SGO1: variants seen among roughly 807,000 people sequenced by gnomAD.
SGO1 encodes the protein shugoshin 1, also known as serologically defined breast cancer antigen NY-BR-85.
In SGO1, 39 loss-of-function variants were observed where a neutral mutation model predicts 50.5. That is an observed-to-expected ratio of 0.77 (90% CI 0.60 to 1.01). The LOEUF (loss-of-function observed/expected upper bound fraction) is 1.01, where lower values mean the gene tolerates loss of function less well. Among genes scored for constraint, SGO1 ranks in the 50% least tolerant of loss-of-function variants. SGO1 has a pLI of 0.00. For missense variants in SGO1, 638 were observed against 606.0 expected (o/e 1.05, Z -0.55); for synonymous variants, 191 against 205.1 (o/e 0.93, Z 0.59).
chr3:20,184,059 T>G lies in SGO1; in HGVS notation c.-7-25A>C, dbSNP rs766500310. 7.2e-6 allele frequency: 11 copies of G among 1,529,566 alleles called. No individual in the cohort carries two copies. The South Asian group carries it at 1.4e-4, about 19-fold the overall frequency. The allele number at this position is 1,529,566 out of a possible 1,614,324, so 94.7% of individuals were successfully genotyped here. ...CCTAAACAATAAAAAATATTTTTTC[T>G]CAGAGAGAATATTATCAAATATAAA... On this transcript the variant is annotated intron_variant, in intron 1 of 7. Coordinates refer to ENST00000412997, the MANE Select transcript of SGO1 (RefSeq NM_001199251.3).
At chr3:20,186,353 C>T (rs1444209534), upstream of SGO1, 1 of 152,316 alleles carries the variant, frequency 6.6e-6, no homozygotes, top group Non-Finnish European at 1.5e-5. Flanking sequence ...ATCCGGGCAT[C>T]CACCTGGCCC....
intron 3 of SGO1, among the ~76,000 whole-genome samples, chr3:20,180,392 G>C (rs1234758761): frequency 1.3e-5 from 2 of 152,164 alleles, no homozygotes; most frequent in African/African-American, 4.8e-5. Flanking sequence ...AAGAAATGAG[G>C]AGATAAAGAA....
downstream of SGO1, among the ~76,000 whole-genome samples, chr3:20,167,945 A>G (rs978981782): frequency 3.3e-5 from 5 of 152,208 alleles, no homozygotes; most frequent in East Asian, 1.9e-4. Context: ...GAAGAAATGA[A>G]TAAGTCTGAT....
intron 6 of SGO1, among the ~76,000 whole-genome samples, chr3:20,171,456 A>C (rs1029385773): frequency 9.2e-5 from 14 of 152,136 alleles, no homozygotes; most frequent in Non-Finnish European, 2.9e-5. Context: ...CTCCCACTTC[A>C]GTCTTCCAAG....
chr3:20,171,004 G>A (rs1700665040), intron 7 of SGO1, 39 bp downstream of exon 7: 3 of 1,535,042 alleles, frequency 2.0e-6, no homozygotes, highest in Middle Eastern at 3.5e-4. Flanking sequence ...CCCCCGACAT[G>A]TATCATTAAA....
chr3:20,176,944 A>T (rs1445258299), intron 4 of SGO1, among the ~76,000 whole-genome samples: 1 of 152,206 alleles, frequency 6.6e-6, no homozygotes, highest in Non-Finnish European at 1.5e-5. Flanking sequence ...CTACGGAAAC[A>T]GCCCATGAGA....
At chr3:20,170,976 A>G (rs1186914353) in intron 7 of SGO1, 67 bp downstream of exon 7, 1 of 1,496,188 alleles carries the variant, frequency 6.7e-7, no homozygotes, top group African/African-American at 1.4e-5. Context: ...TCTTGAACAA[A>G]GCTCCATAAC....
At chr3:20,180,137 A>G (rs758658082) in intron 3 of SGO1, among the ~76,000 whole-genome samples, 84 of 152,288 alleles carry the variant, frequency 5.5e-4, no homozygotes, top group Non-Finnish European at 9.0e-4. Context: ...TCCACAAAAA[A>G]GTTTTAAAAA....
At position 20,174,784 on chromosome 3, in the gene SGO1, G is replaced by C. The variant is rs1468934302; in HGVS notation, c.747C>G (p.Ser249Arg). ...TTGGTGATAAGTTAACTTGGTCCTT[G>C]CTCCATTGACAAGCATTGTGTTGTA... ...ENVQHNACQW[S>R]KDQVNLSPKL... The change falls in exon 6 of 8, where the codon AGC becomes AGG. Residue 249 changes from serine to arginine, a missense_variant. By Grantham distance (110) the Ser-to-Arg change is moderately radical. Coordinates refer to ENST00000412997, the MANE Select transcript of SGO1 (RefSeq NM_001199251.3). 2 of 1,613,862 alleles carry C rather than the reference G, an allele frequency of 1.2e-6. No individual in the cohort carries two copies. The highest frequency in any genetic ancestry group is 2.7e-5 in the African/African-American group (2 of 74,878).
chr3:20,162,655 CAG>C (rs1286952061), intron 8 of SGO1, among the ~76,000 whole-genome samples: 1 of 151,788 alleles, frequency 6.6e-6, no homozygotes, highest in Non-Finnish European at 1.5e-5. Context: ...CCAGAAATGA[CAG>C]AGATAATGGA....
chr3:20,168,960 T>C (rs1700461201), downstream of SGO1: 3 of 985,164 alleles, frequency 3.0e-6, no homozygotes, highest in African/African-American at 1.7e-5. Context: ...TTTAATGGTC[T>C]GTAGTCTTAG....
intron 8 of SGO1, among the ~76,000 whole-genome samples, chr3:20,161,457 T>C (rs1700035959): frequency 6.6e-6 from 1 of 152,156 alleles, no homozygotes; most frequent in African/African-American, 2.4e-5. Flanking sequence ...TAGGCTATGA[T>C]ATAACCAAGG....
rs1010179359 is a variant in SGO1 at position 20,174,508 on chromosome 3, C to G, written c.1023G>C (p.Glu341Asp). 6.2e-7 allele frequency: 1 copy of G among 1,614,148 alleles called. No individual in the cohort carries two copies. Among genetic ancestry groups the G allele is most frequent in the African/African-American group, 1.3e-5 (1 of 75,044 alleles). The part of the protein sequence containing the change: ...SNDAYNFNLE[E>D]GVHLTPFRQK... ...GTCGGAAAGGAGTAAGATGAACACCCTCTTCCAAATTAAAATTGTAAGCAT... is the reference window on the plus strand; with the variant it reads ...GTCGGAAAGGAGTAAGATGAACACCGTCTTCCAAATTAAAATTGTAAGCAT... The change falls in exon 6 of 8, where the codon GAG (glutamate) becomes GAC (aspartate). Residue 341 changes from glutamate to aspartate, a missense_variant. By Grantham distance (45) the Glu-to-Asp change is conservative. Coordinates refer to ENST00000412997, the MANE Select transcript of SGO1 (RefSeq NM_001199251.3).
intron 8 of SGO1, among the ~76,000 whole-genome samples, chr3:20,161,781 G>A (rs773384462): frequency 1.3e-5 from 2 of 152,138 alleles, no homozygotes; most frequent in Non-Finnish European, 2.9e-5. Context: ...ATATTTATAA[G>A]CATAGTGAAT....
chr3:20,169,039 A>G, downstream of SGO1: 4 of 985,232 alleles, frequency 4.1e-6, no homozygotes, highest in Non-Finnish European at 2.4e-6. Context: ...TAAGAAAAAA[A>G]AAACTTAAAA....
chr3:20,170,338 C>T lies in SGO1; in HGVS notation c.*366G>A, dbSNP rs149651402. 7,408 of 734,640 alleles carry T rather than the reference C, an allele frequency of 0.01. 308 individuals carry two copies. In the East Asian group the frequency reaches 0.2, roughly 20 times the overall value. The allele number at this position is 734,640 out of a possible 1,614,324, so 45.5% of individuals were successfully genotyped here. ...GCTTGAACCTGGGAGGCGGAGGTTG[C>T]GGTAAGCTGAGATCGTGCCATTGCA... On this transcript the variant is annotated 3_prime_UTR_variant, in exon 8 of 8. Transcript: ENST00000412997.
At chr3:20,171,840 T>C (rs1321776671) in intron 6 of SGO1, among the ~76,000 whole-genome samples, 1 of 152,236 alleles carries the variant, frequency 6.6e-6, no homozygotes, top group African/African-American at 2.4e-5. Flanking sequence ...AAAAAGTTAC[T>C]CAGTGTTTTT....
rs776251423 is a variant in SGO1, at chr3:20,174,800, T to C, written c.731A>G (p.Asn244Ser). Reference sequence around the variant, plus strand: ...TTGGTCCTTGCTCCATTGACAAGCATTGTGTTGTACATTTTCAGGTATGTG... The same window carrying C: ...TTGGTCCTTGCTCCATTGACAAGCACTGTGTTGTACATTTTCAGGTATGTG... ...NMHIPENVQH[N>S]ACQWSKDQVN... Residue 244 changes from asparagine to serine, a missense_variant, in exon 6 of 8, where the codon AAT (asparagine) becomes AGT (serine). Physicochemically the swap from Asn to Ser is conservative, Grantham distance 46. Coordinates refer to ENST00000412997, the MANE Select transcript of SGO1 (RefSeq NM_001199251.3). The C allele has an allele frequency of 8.1e-6, 13 of 1,613,994 alleles. No homozygotes were observed. Among genetic ancestry groups the C allele is most frequent in the African/African-American group, 5.3e-5 (4 of 74,916 alleles).
intron 3 of SGO1, among the ~76,000 whole-genome samples, 193 bp downstream of exon 3, chr3:20,183,415 T>G (rs1267276759): frequency 6.6e-6 from 1 of 152,224 alleles, no homozygotes; most frequent in Non-Finnish European, 1.5e-5. Context: ...GGAACAGGCC[T>G]CAATCACCTA....
Sources: gnomAD v4.1 joint callset for allele counts (sites outside exome capture counted in the v4.1 genomes callset) on GRCh38, gnomAD v4.1.1 for gene constraint, MANE v1.5 for transcripts, NCBI Gene and HGNC (gene_info 2026-07-23, HGNC 2026-07-21) for gene names.